The following CDH10 variants were observed in gnomAD, a reference collection of about 807,000 sequenced individuals.
CDH10 encodes cadherin-10.
A neutral mutation model predicts 73.1 loss-of-function variants in CDH10; 30 were observed. That is an observed-to-expected ratio of 0.41 (90% CI 0.31 to 0.56). CDH10 has a LOEUF of 0.56. Ranked by LOEUF, CDH10 falls within the 20% of genes least tolerant of loss-of-function variation. The pLI is 0.27. For missense variants in CDH10, 815 were observed against 973.7 expected, an observed-to-expected ratio of 0.84 and a Z score of 2.17; for synonymous variants, 345 against 348.2, an observed-to-expected ratio of 0.99 and a Z score of 0.10.
intron 9 of CDH10, among the ~76,000 whole-genome samples, chr5:24,494,861 G>T (rs1394112025): frequency 6.6e-6 from 1 of 152,050 alleles, no homozygotes; most frequent in Non-Finnish European, 1.5e-5. Flanking sequence ...AGAATGATGT[G>T]TTGCAGAATC....
intron 2 of CDH10, among the ~76,000 whole-genome samples, chr5:24,591,716 T>C (rs1746204992): frequency 6.6e-6 from 1 of 151,890 alleles, no homozygotes. Context: ...TAATACTCTC[T>C]TACTACTCTA....
At chr5:24,634,151 AAAG>A (rs1278472337) in intron 1 of CDH10, among the ~76,000 whole-genome samples, 1 of 151,878 alleles carries the variant, frequency 6.6e-6, no homozygotes, top group African/African-American at 2.4e-5. Flanking sequence ...AGGATTTTGA[AAAG>A]AAATGATTAT....
chr5:24,511,600 A>G (rs2111769363), intron 5 of CDH10, 86 bp from the exon 6 acceptor site: 2 of 666,668 alleles, frequency 3.0e-6, no homozygotes, highest in Non-Finnish European at 5.1e-6. Flanking sequence ...AGATTTCTCA[A>G]TAGAATAGCC....
At chr5:24,575,970 T>C (rs1298910384) in intron 2 of CDH10, among the ~76,000 whole-genome samples, 1 of 152,054 alleles carries the variant, frequency 6.6e-6, no homozygotes, top group African/African-American at 2.4e-5. Flanking sequence ...AAAAACTTAC[T>C]GTTTGTTACC....
chr5:24,576,698 G>A (rs1420856702), intron 2 of CDH10, among the ~76,000 whole-genome samples: 1 of 152,032 alleles, frequency 6.6e-6, no homozygotes, highest in African/African-American at 2.4e-5. Flanking sequence ...AATGAACAGG[G>A]GAGAAGAGAC....
At chr5:24,573,818 G>T (rs1044122756) in intron 2 of CDH10, among the ~76,000 whole-genome samples, 2 of 145,340 alleles carry the variant, frequency 1.4e-5, no homozygotes, top group Admixed American at 1.4e-4. Flanking sequence ...AATTTTTATC[G>T]CATTAAATAT....
intron 9 of CDH10, among the ~76,000 whole-genome samples, chr5:24,496,456 G>A (rs908662953): frequency 3.3e-5 from 5 of 152,116 alleles, no homozygotes; most frequent in African/African-American, 1.2e-4. Context: ...TCAGGCACAC[G>A]AGGGGACTAC....
chr5:24,495,586 C>T (rs373811480), intron 9 of CDH10, among the ~76,000 whole-genome samples: 29 of 152,064 alleles, frequency 1.9e-4, no homozygotes, highest in African/African-American at 5.3e-4. Context: ...CCGTGGCTCA[C>T]GCCTGTAATC....
chr5:24,552,333 T>A (rs929822032), intron 2 of CDH10, among the ~76,000 whole-genome samples: 3 of 152,074 alleles, frequency 2.0e-5, no homozygotes, highest in Non-Finnish European at 4.4e-5. Flanking sequence ...TGTATTCTAG[T>A]AAATTGAAGA....
chr5:24,557,837 T>G (rs1744820406), intron 2 of CDH10, among the ~76,000 whole-genome samples: 1 of 151,684 alleles, frequency 6.6e-6, no homozygotes, highest in Non-Finnish European at 1.5e-5. Flanking sequence ...ATAAGATGAA[T>G]GGAATGGATT....
chr5:24,520,054 A>G (rs1561137866), intron 5 of CDH10, among the ~76,000 whole-genome samples: 1 of 152,152 alleles, frequency 6.6e-6, no homozygotes, highest in South Asian at 2.1e-4. Flanking sequence ...TAAATATACC[A>G]TTCATACTGG....
chr5:24,545,667 G>A (rs1392516297), intron 2 of CDH10, among the ~76,000 whole-genome samples: 1 of 151,494 alleles, frequency 6.6e-6, no homozygotes, highest in Non-Finnish European at 1.5e-5. Context: ...CTTTTAATTA[G>A]CCAGTCATGG....
intron 2 of CDH10, among the ~76,000 whole-genome samples, chr5:24,570,205 T>A (rs1325843768): frequency 6.6e-6 from 1 of 152,202 alleles, no homozygotes; most frequent in Non-Finnish European, 1.5e-5. Context: ...GTATTTCTAT[T>A]CAACTTTGTT....
intron 2 of CDH10, among the ~76,000 whole-genome samples, chr5:24,590,984 T>C (rs1387745196): frequency 2.0e-5 from 3 of 152,094 alleles, no homozygotes; most frequent in African/African-American, 7.2e-5. Context: ...AAAATATGAC[T>C]GTGATAAATT....
intron 9 of CDH10, among the ~76,000 whole-genome samples, chr5:24,495,471 G>C (rs1260255479): frequency 6.6e-6 from 1 of 152,124 alleles, no homozygotes; most frequent in Admixed American, 6.5e-5. Flanking sequence ...TTAGAAAACT[G>C]GTTAAGTTTT....
chr5:24,573,570 G>C (rs1328730411), intron 2 of CDH10, among the ~76,000 whole-genome samples: 1 of 151,218 alleles, frequency 6.6e-6, no homozygotes, highest in Non-Finnish European at 1.5e-5. Flanking sequence ...GCGTGGTGGC[G>C]GGCACCTGTA....
At chr5:24,527,288 C>T (rs1053643078) in intron 5 of CDH10, among the ~76,000 whole-genome samples, 6 of 146,346 alleles carry the variant, frequency 4.1e-5, no homozygotes, top group African/African-American at 1.2e-4. Flanking sequence ...TAAATATAGT[C>T]TTATATATAT....
At chr5:24,541,083 CA>C (rs2111911192) in intron 2 of CDH10, among the ~76,000 whole-genome samples, 1 of 151,956 alleles carries the variant, frequency 6.6e-6, no homozygotes, top group South Asian at 2.1e-4. Flanking sequence ...ATAAAGGAGG[CA>C]GAAAGATGAA....
rs114151170 is a variant in CDH10, at chr5:24,609,374, G to A, written c.-123-15761C>T. On this transcript the variant is annotated intron_variant, in intron 1 of 11. Transcript: ENST00000264463. ...GCGTGGAAAGTAAGAAATGGTTGAT[G>A]AAACTGTCTAGGTAAATGAGTAAGA... Among the ~76,000 whole-genome samples, 1,257 of 152,218 alleles carry A rather than the reference G, an allele frequency of 8.3e-3. 11 individuals carry two copies. Among genetic ancestry groups the A allele is most frequent in the African/African-American group, 0.029 (1,213 of 41,518 alleles).
Sources: allele counts gnomAD v4.1 joint callset (sites outside exome capture counted in the v4.1 genomes callset), GRCh38; gene constraint gnomAD v4.1.1; transcripts MANE v1.5; gene names NCBI Gene and HGNC (gene_info 2026-07-23, HGNC 2026-07-21).